Variants in PTPN22 observed in about 807,000 individuals in gnomAD.
PTPN22 encodes protein tyrosine phosphatase non-receptor type 22.
A neutral mutation model predicts 103.3 loss-of-function variants in PTPN22; 85 were observed. The observed-to-expected ratio is 0.82, with a 90% CI of 0.69 to 0.99. PTPN22 has a LOEUF of 0.99. Among genes scored for constraint, PTPN22 ranks in the 50% least tolerant of loss-of-function variants. The pLI is 0.00. For missense variants in PTPN22, 865 were observed against 936.9 expected (o/e 0.92, Z 1.00); for synonymous variants, 323 against 310.2 (o/e 1.04, Z -0.43).
At chr1:113,859,223 C>A in intron 2 of PTPN22, 129 bp downstream of exon 2, 4 of 1,550,100 alleles carry the variant, frequency 2.6e-6, no homozygotes, top group Non-Finnish European at 3.5e-6. Flanking sequence ...CTTTTGCAGT[C>A]ATAAATAGTA....
At chr1:113,842,589 G>A (rs1015847595) in intron 11 of PTPN22, among the ~76,000 whole-genome samples, 2 of 151,834 alleles carry the variant, frequency 1.3e-5, no homozygotes, top group Non-Finnish European at 2.9e-5. Context: ...CAGGAGAATC[G>A]CTTGAACCCG....
chr1:113,832,093 G>A (rs566775680), intron 16 of PTPN22, among the ~76,000 whole-genome samples: 16 of 152,276 alleles, frequency 1.1e-4, no homozygotes, highest in Middle Eastern at 3.4e-3. Flanking sequence ...GAGAAAGTAT[G>A]TAATTTAACC....
Position 113,814,808 on chromosome 1 carries a change from A to T in PTPN22, c.*97T>A, listed in dbSNP as rs1661032526. On this transcript the variant is annotated 3_prime_UTR_variant, in exon 21 of 21. Coordinates refer to ENST00000359785, the Ensembl canonical transcript of PTPN22. ...ACATTAGCATATCTTCATATTTGAT[A>T]TTATGCATATAGAGCACTTATTTTA... is the stretch of plus-strand genomic sequence containing the variant. 7 of 921,558 alleles carry T rather than the reference A, an allele frequency of 7.6e-6. No individual in the cohort carries two copies. In the East Asian group the frequency reaches 1.7e-4, roughly 22 times the overall value. 57.1% of individuals were successfully genotyped at this position (921,558 alleles called of 1,614,324 possible).
chr1:113,815,087 G>A (rs1372848230), intron 20 of PTPN22, 118 bp from the exon 21 acceptor site: 2 of 710,282 alleles, frequency 2.8e-6, no homozygotes, highest in Non-Finnish European at 4.6e-6. Flanking sequence ...TAAATGTTAG[G>A]CAGCATCTTG....
chr1:113,861,171 C>T (rs2102148404), intron 1 of PTPN22, among the ~76,000 whole-genome samples: 1 of 152,248 alleles, frequency 6.6e-6, no homozygotes, highest in East Asian at 1.9e-4. Context: ...ATTTTTTTCC[C>T]TCAAACATCT....
At chr1:113,844,420 C>G (rs1396430724) in intron 11 of PTPN22, among the ~76,000 whole-genome samples, 1 of 152,236 alleles carries the variant, frequency 6.6e-6, no homozygotes, top group African/African-American at 2.4e-5. Flanking sequence ...TGCCACTGCA[C>G]TCCAGCCTGG....
intron 1 of PTPN22, among the ~76,000 whole-genome samples, chr1:113,867,111 A>G (rs961107669): frequency 2.0e-5 from 3 of 152,162 alleles, no homozygotes; most frequent in Non-Finnish European, 2.9e-5. Context: ...ACTTTCTTTT[A>G]ACTTTCAATA....
At chr1:113,849,492 T>C (rs1664360022) in intron 10 of PTPN22, among the ~76,000 whole-genome samples, 1 of 152,122 alleles carries the variant, frequency 6.6e-6, no homozygotes, top group Non-Finnish European at 1.5e-5. Context: ...TCTGTACAAA[T>C]AAAGAACAAT....
At chr1:113,831,645 C>T (rs753416143) in intron 16 of PTPN22, among the ~76,000 whole-genome samples, 1 of 152,056 alleles carries the variant, frequency 6.6e-6, no homozygotes, top group Non-Finnish European at 1.5e-5. Context: ...TAGGCTGATC[C>T]CTGCTGCTGG....
chr1:113,838,487 GAGAT>G (rs1369559738), intron 12 of PTPN22, 53 bp downstream of exon 12: 1 of 1,602,552 alleles, frequency 6.2e-7, no homozygotes, highest in Non-Finnish European at 8.5e-7. Context: ...GTATAAGCAT[GAGAT>G]TCATCTCCCA....
At chr1:113,871,399 C>CTTTTTTTTT in intron 1 of PTPN22, 138 bp downstream of exon 1, 3 of 596,340 alleles carry the variant, frequency 5.0e-6, no homozygotes, top group Admixed American at 3.0e-5. Context: ...AGAAGTCAAA[C>CTTTTTTTTT]TTTTTTTTTT....
In PTPN22 at chr1:113,854,549, G is replaced by T; in HGVS notation, c.684-12C>A. 6.2e-7 allele frequency: 1 copy of T among 1,609,322 alleles called. No individual in the cohort carries two copies. The highest frequency in any genetic ancestry group is 8.5e-7 in the Non-Finnish European group (1 of 1,175,676). On this transcript the variant is annotated splice_polypyrimidine_tract_variant and intron_variant, in intron 8 of 20. Coordinates refer to ENST00000359785, the Ensembl canonical transcript of PTPN22. ...TTCCACAGCCAGCACTGAAATGAAA[G>T]ATCACAGTAGCATGTATGCATGTAT...
At chr1:113,830,005 G>A (rs763836317) in exon 17 of PTPN22, 20 of 1,605,378 alleles carry the variant, frequency 1.2e-5, no homozygotes, top group Non-Finnish European at 7.7e-6. Flanking sequence ...AGGAGGTGGG[G>A]GAGAAGAACG....
intron 11 of PTPN22, among the ~76,000 whole-genome samples, chr1:113,839,383 C>G (rs1200808019): frequency 6.6e-6 from 1 of 151,038 alleles, no homozygotes; most frequent in Non-Finnish European, 1.5e-5. Context: ...TGCCTGGCCT[C>G]AATCTTTTTT....
Position 113,834,927 on chromosome 1 carries a change from A to G in PTPN22, c.1877T>C (p.Ile626Thr), listed in dbSNP as rs768160390. 4 of 1,577,346 alleles carry G rather than the reference A, an allele frequency of 2.5e-6. No individual in the cohort carries two copies. In the African/African-American group the frequency reaches 5.5e-5, roughly 22 times the overall value. Residue 626 changes from isoleucine to threonine, a missense_variant, in exon 14 of 21, where the codon ATT becomes ACT. Ile to Thr is a moderately conservative substitution (Grantham distance 89). Transcript: ENST00000359785. ...GTACTCACCAGCTTCCTCAACCACA[A>G]TAAATGATTCAGGTGTCCATACAGG...
At chr1:113,848,297 C>T (rs974216997) in intron 11 of PTPN22, among the ~76,000 whole-genome samples, 3 of 151,468 alleles carry the variant, frequency 2.0e-5, no homozygotes, top group African/African-American at 4.9e-5. Flanking sequence ...CTGCCTGCCT[C>T]GAGCTCCCAA....
At chr1:113,859,165 C>A in intron 2 of PTPN22, 87 bp from the exon 3 acceptor site, 1 of 1,572,026 alleles carries the variant, frequency 6.4e-7, no homozygotes. Context: ...ATAGTGTATG[C>A]TCATGAGTGA....
intron 10 of PTPN22, 87 bp from the exon 11 acceptor site, chr1:113,848,713 C>A: frequency 2.5e-6 from 3 of 1,202,614 alleles, no homozygotes; most frequent in Non-Finnish European, 3.6e-6. Flanking sequence ...ATATGAACAC[C>A]AATCAAATCC....
At chr1:113,833,192 C>G (rs1662707863) in intron 15 of PTPN22, 54 bp from the exon 16 acceptor site, 1 of 1,422,102 alleles carries the variant, frequency 7.0e-7, no homozygotes, top group South Asian at 1.2e-5. Context: ...ACAAATTATA[C>G]AAACTCAAAG....
Sources: allele counts gnomAD v4.1 joint callset (sites outside exome capture counted in the v4.1 genomes callset), GRCh38; gene constraint gnomAD v4.1.1; transcripts MANE v1.5; gene names NCBI Gene and HGNC (gene_info 2026-07-23, HGNC 2026-07-21).